SGCZ: variants seen among roughly 807,000 people sequenced by gnomAD.
SGCZ encodes zeta-sarcoglycan.
SGCZ carries 40 observed loss-of-function variants against 41.3 expected under a neutral mutation model. The ratio of observed to expected loss-of-function variants is 0.97; its 90% CI spans 0.75 to 1.26. The LOEUF (loss-of-function observed/expected upper bound fraction) is 1.26, where lower values mean the gene tolerates loss of function less well. Ranked by LOEUF, SGCZ falls within the 50% of genes most tolerant of loss-of-function variation. The pLI is 0.00. For missense variants in SGCZ, 552 were observed against 369.8 expected, an observed-to-expected ratio of 1.49 and a Z score of -4.04; for synonymous variants, 206 against 137.5, an observed-to-expected ratio of 1.50 and a Z score of -3.49.
At chr8:14,780,734 A>G (rs1399737414) in intron 1 of SGCZ, among the ~76,000 whole-genome samples, 1 of 152,198 alleles carries the variant, frequency 6.6e-6, no homozygotes, top group Non-Finnish European at 1.5e-5. Context: ...GTTTTTTAAC[A>G]TGGGTAACCT....
At chr8:14,105,068 A>G (rs909007180) in intron 6 of SGCZ, among the ~76,000 whole-genome samples, 1 of 152,124 alleles carries the variant, frequency 6.6e-6, no homozygotes, top group African/African-American at 2.4e-5. Context: ...AACAAACATT[A>G]GGCTGTTCTG....
chr8:15,003,198 T>C (rs11203670), intron 1 of SGCZ, among the ~76,000 whole-genome samples: 82,979 of 151,916 alleles, frequency 0.55, 22,812 homozygotes, highest in African/African-American at 0.56. Context: ...AGAAATAAAA[T>C]TTACTGAAGG....
chr8:14,606,886 T>C (rs1375152345), intron 1 of SGCZ, among the ~76,000 whole-genome samples: 1 of 152,174 alleles, frequency 6.6e-6, no homozygotes, highest in Non-Finnish European at 1.5e-5. Flanking sequence ...GTTAAGACTA[T>C]TAAGTATTAG....
intron 1 of SGCZ, among the ~76,000 whole-genome samples, chr8:15,227,298 G>A (rs550385625): frequency 6.6e-6 from 1 of 152,170 alleles, no homozygotes; most frequent in Non-Finnish European, 1.5e-5. Flanking sequence ...ACACAAACGA[G>A]CTATTAAATG....
intron 3 of SGCZ, among the ~76,000 whole-genome samples, chr8:14,322,000 C>G (rs1365653): frequency 0.59 from 89,991 of 151,932 alleles, 27,379 homozygotes; most frequent in East Asian, 0.78. Context: ...AAATGACATT[C>G]ATGGACAAGT....
Position 14,395,405 on chromosome 8 carries a change from C to G in SGCZ, c.235-71201G>C, listed in dbSNP as rs1379680398. Among the ~76,000 whole-genome samples, 4 of 151,988 alleles carry G rather than the reference C, an allele frequency of 2.6e-5. No homozygotes were observed. The East Asian group carries it at 7.7e-4, about 29-fold the overall frequency. ...GACATAGGAAGTATAGCATATTTAA[C>G]AGGAAGGATTTAAAAAGAGACTATT... On this transcript the variant is annotated intron_variant, in intron 2 of 7. Coordinates refer to ENST00000382080, the MANE Select transcript of SGCZ (RefSeq NM_139167.4).
At chr8:14,297,891 A>G (rs1554495938) in intron 3 of SGCZ, among the ~76,000 whole-genome samples, 1 of 151,630 alleles carries the variant, frequency 6.6e-6, no homozygotes, top group Non-Finnish European at 1.5e-5. Context: ...CACTCATTTT[A>G]GGAGGGAGAA....
chr8:14,693,667 T>C (rs867359770), intron 1 of SGCZ, among the ~76,000 whole-genome samples: 20 of 133,814 alleles, frequency 1.5e-4, no homozygotes, highest in Admixed American at 6.1e-4. Flanking sequence ...CTCAGCTCAC[T>C]GCAAGCTCCG....
intron 1 of SGCZ, among the ~76,000 whole-genome samples, chr8:14,959,351 T>G (rs868216102): frequency 6.6e-6 from 1 of 152,132 alleles, no homozygotes; most frequent in South Asian, 2.1e-4. Context: ...GTTTGGTATA[T>G]TAGTTCTGGT....
At chr8:14,487,396 G>A (rs1360455596) in intron 2 of SGCZ, among the ~76,000 whole-genome samples, 1 of 147,320 alleles carries the variant, frequency 6.8e-6, no homozygotes, top group African/African-American at 2.5e-5. Context: ...ATGATGTATG[G>A]CAAAGTATAG....
chr8:15,054,318 T>A (rs952493986), intron 1 of SGCZ, among the ~76,000 whole-genome samples: 1 of 152,194 alleles, frequency 6.6e-6, no homozygotes, highest in African/African-American at 2.4e-5. Flanking sequence ...TCAATACAGC[T>A]TCACCCATGT....
intron 2 of SGCZ, among the ~76,000 whole-genome samples, chr8:14,535,386 T>G (rs1289514505): frequency 6.6e-6 from 1 of 151,792 alleles, no homozygotes; most frequent in African/African-American, 2.4e-5. Flanking sequence ...ATAACATTAG[T>G]AAAGTAAATG....
intron 2 of SGCZ, among the ~76,000 whole-genome samples, chr8:14,469,406 T>A (rs965912849): frequency 6.6e-6 from 1 of 152,074 alleles, no homozygotes; most frequent in South Asian, 2.1e-4. Context: ...CACATATGCA[T>A]GGAACATACC....
rs112363725 is a variant in SGCZ, at chr8:14,271,931, G to C, written c.337-34252C>G. On this transcript the variant is annotated intron_variant, in intron 3 of 7. Coordinates refer to ENST00000382080, the MANE Select transcript of SGCZ (RefSeq NM_139167.4). ...TCCATGTACATTTTTCGTAAATATG[G>C]TGATGACCTAATTCCCATGGGCCAT... Among the ~76,000 whole-genome samples, 956 of 152,218 alleles carry C rather than the reference G, an allele frequency of 6.3e-3. 9 individuals are homozygous for C. Among genetic ancestry groups the C allele is most frequent in the African/African-American group, 0.022 (916 of 41,528 alleles).
chr8:15,217,342 G>C (rs894994518), intron 1 of SGCZ, among the ~76,000 whole-genome samples: 12 of 151,148 alleles, frequency 7.9e-5, no homozygotes, highest in African/African-American at 2.9e-4. Flanking sequence ...GCGTGAACCC[G>C]GGAGGCGGAG....
At chr8:14,426,365 C>G (rs981464575) in intron 2 of SGCZ, among the ~76,000 whole-genome samples, 19 of 151,882 alleles carry the variant, frequency 1.3e-4, no homozygotes, top group African/African-American at 2.4e-4. Context: ...GAGTATTTCC[C>G]CTCCCCCAAT....
chr8:14,305,078 G>A (rs1801308283), intron 3 of SGCZ, among the ~76,000 whole-genome samples: 1 of 152,054 alleles, frequency 6.6e-6, no homozygotes, highest in Non-Finnish European at 1.5e-5. Context: ...AACTTACAGT[G>A]TTTTAATATG....
At chr8:14,817,491 C>T (rs1801943943) in intron 1 of SGCZ, among the ~76,000 whole-genome samples, 2 of 152,164 alleles carry the variant, frequency 1.3e-5, no homozygotes, top group African/African-American at 4.8e-5. Context: ...ACAGCACCAT[C>T]TTGAAACTAG....
chr8:15,230,148 A>G (rs1801896850), intron 1 of SGCZ, among the ~76,000 whole-genome samples: 1 of 151,848 alleles, frequency 6.6e-6, no homozygotes, highest in African/African-American at 2.4e-5. Flanking sequence ...AATTTGACCC[A>G]AAACTAAAAT....
Sources: gnomAD v4.1 joint callset for allele counts (sites outside exome capture counted in the v4.1 genomes callset) on GRCh38, gnomAD v4.1.1 for gene constraint, MANE v1.5 for transcripts, NCBI Gene and HGNC (gene_info 2026-07-23, HGNC 2026-07-21) for gene names.